The following ANK2 variants were observed in gnomAD, a reference collection of about 807,000 sequenced individuals.
The protein encoded by ANK2 is ankyrin-2.
Under a neutral mutation model 360.5 loss-of-function variants are expected in ANK2, and 83 were observed. The ratio of observed to expected loss-of-function variants is 0.23; its 90% confidence interval spans 0.19 to 0.28. The LOEUF is 0.28. ANK2 is among the 10% of genes least tolerant of loss of function. ANK2 has a pLI of 1.00. For missense variants in ANK2, 4,201 were observed against 4,795.7 expected (o/e 0.88, Z 3.66); for synonymous variants, 1,740 against 1,759.5 (o/e 0.99, Z 0.28).
chr4:112,792,632 A>G, the ANK2 span, among the ~76,000 whole-genome samples: 8 of 152,210 alleles, frequency 5.3e-5, no homozygotes, highest in South Asian at 2.1e-4. Flanking sequence ...AATATTTTAT[A>G]TAACTATAGC....
At chr4:113,289,513 G>C (rs1315662234) in intron 20 of ANK2, among the ~76,000 whole-genome samples, 1 of 152,054 alleles carries the variant, frequency 6.6e-6, no homozygotes, top group Non-Finnish European at 1.5e-5. Flanking sequence ...GCCTGGCCCA[G>C]AAATTTCTGA....
intron 1 of ANK2, among the ~76,000 whole-genome samples, chr4:113,119,909 A>C (rs1562209677): frequency 6.7e-6 from 1 of 149,800 alleles, no homozygotes; most frequent in African/African-American, 2.5e-5. Flanking sequence ...TTGTATTATT[A>C]TTTTGTACTC....
chr4:112,831,141 C>T (rs931635025), intron 1 of ANK2, among the ~76,000 whole-genome samples: 2 of 152,250 alleles, frequency 1.3e-5, no homozygotes, highest in African/African-American at 4.8e-5. Context: ...GTGCTGCCCC[C>T]TACTCTGCAG....
chr4:113,184,404 GA>G (rs1201667668), intron 2 of ANK2, among the ~76,000 whole-genome samples: 1 of 152,010 alleles, frequency 6.6e-6, no homozygotes, highest in East Asian at 1.9e-4. Context: ...AAACTATCTG[GA>G]GAAAGAAGTG....
intron 1 of ANK2, among the ~76,000 whole-genome samples, chr4:112,865,925 G>A (rs1384049819): frequency 6.6e-6 from 1 of 152,096 alleles, no homozygotes; most frequent in African/African-American, 2.4e-5. Flanking sequence ...CTGTAGCAAT[G>A]TGAGTTTCAA....
chr4:112,880,210 T>C (rs1387405295), intron 1 of ANK2: 1 of 152,194 alleles, frequency 6.6e-6, no homozygotes, highest in Admixed American at 6.5e-5. Context: ...AATGAACACA[T>C]CTTTTATGCT....
the ANK2 span, among the ~76,000 whole-genome samples, chr4:112,708,723 A>G: frequency 6.6e-6 from 1 of 152,182 alleles, no homozygotes; most frequent in Non-Finnish European, 1.5e-5. Context: ...TTTAGACAAA[A>G]TAGTTATTTA....
At chr4:112,783,156 G>T in the ANK2 span, among the ~76,000 whole-genome samples, 2 of 152,080 alleles carry the variant, frequency 1.3e-5, no homozygotes, top group Non-Finnish European at 2.9e-5. Flanking sequence ...GATTCCCCCC[G>T]CATTGGCCTC....
chr4:113,052,262 A>C (rs4834310), intron 1 of ANK2, among the ~76,000 whole-genome samples: 99,369 of 152,012 alleles, frequency 0.65, 33,114 homozygotes, highest in Admixed American at 0.72. Flanking sequence ...AGAAAGCAAA[A>C]ATTGGAGTAA....
At chr4:112,796,618 A>G in the ANK2 span, among the ~76,000 whole-genome samples, 8 of 151,054 alleles carry the variant, frequency 5.3e-5, no homozygotes, top group Admixed American at 5.3e-4. Flanking sequence ...CCAAAGTTCT[A>G]GGACTACAGA....
chr4:113,077,894 C>T (rs895765008), intron 1 of ANK2, among the ~76,000 whole-genome samples: 1 of 152,180 alleles, frequency 6.6e-6, no homozygotes, highest in Non-Finnish European at 1.5e-5. Context: ...CAGACACCAC[C>T]CAGGATGGCT....
At position 113,358,793 on chromosome 4, in the gene ANK2, C is replaced by A. The variant is rs769340917; in HGVS notation, c.10175C>A (p.Ser3392Tyr). The A allele has an allele frequency of 6.2e-7, 1 of 1,614,098 alleles. No individual in the cohort carries two copies. Among genetic ancestry groups the A allele is most frequent in the Non-Finnish European group, 8.5e-7 (1 of 1,179,972 alleles). The stretch of plus-strand genomic sequence containing the variant: ...CCAGATAATAGAAGCAAATCTGAAT[C>A]TGATGCTAGTTCTTTGGATTCAAAG... ...IAPDNRSKSE[S>Y]DASSLDSKTK... Residue 3392 changes from serine to tyrosine, a missense_variant, in exon 38 of 46, where the codon TCT (serine) becomes TAT (tyrosine). Around this residue, in one of 4 missense-constraint regions of ANK2, gnomAD observed 2,642 missense variants for 2,714.5 expected, o/e 0.97. Transcript: ENST00000357077.
intron 5 of ANK2, among the ~76,000 whole-genome samples, chr4:113,232,930 G>A (rs922371473): frequency 2.6e-5 from 4 of 151,856 alleles, no homozygotes; most frequent in African/African-American, 9.7e-5. Flanking sequence ...GCAGATTAAG[G>A]AGCAAGTTCA....
At chr4:113,004,524 C>G (rs1303626747) in intron 2 of ANK2, among the ~76,000 whole-genome samples, 1 of 152,168 alleles carries the variant, frequency 6.6e-6, no homozygotes, top group Non-Finnish European at 1.5e-5. Context: ...CAGTAACACA[C>G]ATGGAGCTGT....
At chr4:112,764,770 C>T in the ANK2 span, among the ~76,000 whole-genome samples, 2 of 147,932 alleles carry the variant, frequency 1.4e-5, no homozygotes, top group South Asian at 2.1e-4. Context: ...TGCAATGGTA[C>T]GATCTCAGCT....
At chr4:112,728,680 G>C in the ANK2 span, among the ~76,000 whole-genome samples, 2 of 151,826 alleles carry the variant, frequency 1.3e-5, no homozygotes, top group Non-Finnish European at 2.9e-5. Flanking sequence ...TGAGCCCCGG[G>C]GAGTTGAGGC....
chr4:112,998,013 G>A (rs567876923), intron 2 of ANK2, among the ~76,000 whole-genome samples: 155 of 151,410 alleles, frequency 1.0e-3, no homozygotes, highest in African/African-American at 3.4e-3. Flanking sequence ...ACCCTTAAAG[G>A]CCATCTTTTG....
At chr4:113,266,461 G>A (rs569930649) in intron 14 of ANK2, among the ~76,000 whole-genome samples, 1 of 152,270 alleles carries the variant, frequency 6.6e-6, no homozygotes, top group Admixed American at 6.5e-5. Flanking sequence ...AATCCTTTGG[G>A]TATATACCCA....
At chr4:112,972,369 G>A (rs1377074492) in intron 2 of ANK2, among the ~76,000 whole-genome samples, 9 of 151,938 alleles carry the variant, frequency 5.9e-5, no homozygotes, top group South Asian at 2.1e-4. Flanking sequence ...AACAGGCCCC[G>A]GTGTGTGATG....
Sources: allele counts gnomAD v4.1 joint callset (sites outside exome capture counted in the v4.1 genomes callset), GRCh38; gene constraint gnomAD v4.1.1; regional missense constraint gnomAD v4.1.1; transcripts MANE v1.5; gene names NCBI Gene and HGNC (gene_info 2026-07-23, HGNC 2026-07-21).